Variants in SANBR observed in about 807,000 individuals in gnomAD.
SANBR encodes SANT and BTB domain regulator of class switch recombination.
SANBR carries 77 observed loss-of-function variants against 101.8 expected under a neutral mutation model. The observed-to-expected ratio is 0.76, with a 90% CI of 0.63 to 0.91. The LOEUF is 0.91. Among genes scored for constraint, SANBR ranks in the 40% least tolerant of loss-of-function variants. SANBR has a pLI of 0.00. For synonymous variants in SANBR, 279 were observed against 274.7 expected (o/e 1.02, Z -0.15); for missense variants, 875 against 853.0 (o/e 1.03, Z -0.32).
At chr2:61,115,023 T>C (rs1684007306) in intron 16 of SANBR, among the ~76,000 whole-genome samples, 1 of 152,206 alleles carries the variant, frequency 6.6e-6, no homozygotes. Flanking sequence ...AGTTTTCTTC[T>C]TATGTATTTT....
At chr2:61,098,957 A>G (rs1449703887) in intron 12 of SANBR, among the ~76,000 whole-genome samples, 3 of 152,244 alleles carry the variant, frequency 2.0e-5, no homozygotes, top group Non-Finnish European at 2.9e-5. Context: ...GGTATGATTC[A>G]GCCATAGATG....
At chr2:61,081,327 C>A in intron 6 of SANBR, 125 bp from the exon 7 acceptor site, 3 of 938,860 alleles carry the variant, frequency 3.2e-6, no homozygotes, top group Non-Finnish European at 4.6e-6. Context: ...AACCCATAAG[C>A]TATAATAAGA....
At chr2:61,078,234 T>G (rs544494756) in intron 6 of SANBR, among the ~76,000 whole-genome samples, 1 of 152,334 alleles carries the variant, frequency 6.6e-6, no homozygotes, top group East Asian at 1.9e-4. Flanking sequence ...AATTTTGTTA[T>G]TAACGGAGTC....
At chr2:61,131,108 G>T (rs1026351347) in intron 20 of SANBR, among the ~76,000 whole-genome samples, 1 of 151,926 alleles carries the variant, frequency 6.6e-6, no homozygotes, top group African/African-American at 2.4e-5. Context: ...ACACTTAATG[G>T]TGAAGAACTG....
intron 20 of SANBR, 129 bp downstream of exon 20, chr2:61,118,245 T>G: frequency 1.5e-6 from 1 of 685,062 alleles, no homozygotes; most frequent in Non-Finnish European, 2.4e-6. Flanking sequence ...GTTTGTTTGT[T>G]TGTTTTTTTC....
intron 11 of SANBR, among the ~76,000 whole-genome samples, chr2:61,095,816 C>G (rs1455499830): frequency 2.6e-5 from 4 of 152,138 alleles, no homozygotes; most frequent in Non-Finnish European, 5.9e-5. Flanking sequence ...AGTCAGGGTA[C>G]CTCCTAAAAG....
At position 61,117,463 on chromosome 2, in the gene SANBR, A is replaced by G. The variant is rs376297687; in HGVS notation, c.1866-4A>G. ...TGCTGATTTTTGTTCAATTTTTTCAATAGTATGAGTATGCAGAAGAATAAG... is the reference window on the plus strand; with the variant it reads ...TGCTGATTTTTGTTCAATTTTTTCAGTAGTATGAGTATGCAGAAGAATAAG... On this transcript the variant is annotated splice_polypyrimidine_tract_variant and splice_region_variant and intron_variant, in intron 18 of 21. Transcript: ENST00000402291. 49 of 1,613,622 alleles carry G rather than the reference A, an allele frequency of 3.0e-5. No homozygotes were observed. Among genetic ancestry groups the G allele is most frequent in the Non-Finnish European group, 4.0e-5 (47 of 1,179,762 alleles).
rs368743913 is a variant in SANBR, at chr2:61,083,141, T to A, written c.730-13T>A. 9.4e-6 allele frequency: 15 copies of A among 1,587,372 alleles called. No homozygotes were observed. Among genetic ancestry groups the A allele is most frequent in the Admixed American group, 3.5e-5 (2 of 57,608 alleles). ...GCTACTATTTTCGACATTTATTTTCTATGATTTTTTAGGTTGAACAGTGTA... is the reference window on the plus strand; with the variant it reads ...GCTACTATTTTCGACATTTATTTTCAATGATTTTTTAGGTTGAACAGTGTA... On this transcript the variant is annotated splice_polypyrimidine_tract_variant and intron_variant, in intron 7 of 21. Coordinates refer to ENST00000402291, the MANE Select transcript of SANBR (RefSeq NM_001129993.3).
chr2:61,100,431 T>C (rs1683228480), intron 12 of SANBR, among the ~76,000 whole-genome samples: 1 of 152,020 alleles, frequency 6.6e-6, no homozygotes, highest in African/African-American at 2.4e-5. Context: ...CCAGAGAACG[T>C]TTTAAAAGTC....
intron 11 of SANBR, among the ~76,000 whole-genome samples, chr2:61,096,810 A>G (rs894069041): frequency 6.6e-6 from 1 of 152,180 alleles, no homozygotes; most frequent in African/African-American, 2.4e-5. Flanking sequence ...CAGTGATTCA[A>G]AGTTATGTCA....
downstream of SANBR, among the ~76,000 whole-genome samples, chr2:61,127,246 G>A (rs577196586): frequency 6.6e-6 from 1 of 152,102 alleles, no homozygotes; most frequent in South Asian, 2.1e-4. Context: ...ATTTTTGGGT[G>A]GTATCTCCAA....
chr2:61,124,743 G>A (rs74995325), downstream of SANBR, among the ~76,000 whole-genome samples: 4,323 of 151,706 alleles, frequency 0.028, 68 homozygotes, highest in African/African-American at 0.03. Flanking sequence ...AGGTTATGCT[G>A]GTAAAGATTT....
intron 8 of SANBR, among the ~76,000 whole-genome samples, 186 bp from the exon 9 acceptor site, chr2:61,087,968 CTTTAT>C (rs764667617): frequency 1.3e-5 from 2 of 151,906 alleles, no homozygotes; most frequent in South Asian, 2.1e-4. Context: ...ATCAGAACTG[CTTTAT>C]TTTATTTACT....
chr2:61,135,919 A>G (rs1201029068), intron 21 of SANBR, among the ~76,000 whole-genome samples: 2 of 152,248 alleles, frequency 1.3e-5, no homozygotes, highest in African/African-American at 4.8e-5. Context: ...TTTCAGAGTC[A>G]TGCTTTTGTA....
At chr2:61,077,901 G>A (rs1397810191) in intron 6 of SANBR, among the ~76,000 whole-genome samples, 1 of 152,190 alleles carries the variant, frequency 6.6e-6, no homozygotes, top group Non-Finnish European at 1.5e-5. Context: ...TCTTGAAAAT[G>A]AGCTGCTCAG....
downstream of SANBR, chr2:61,124,327 A>G (rs1684451295): frequency 1.1e-6 from 1 of 896,052 alleles, no homozygotes; most frequent in Non-Finnish European, 1.3e-6. Context: ...CTTCTCAGAA[A>G]AAAAGTCTGG....
chr2:61,085,248 T>TA (rs892442055), intron 8 of SANBR, among the ~76,000 whole-genome samples: 7 of 152,308 alleles, frequency 4.6e-5, no homozygotes, highest in Middle Eastern at 3.4e-3. Flanking sequence ...TTTGCCTCCC[T>TA]AAAAGTGGTG....
intron 19 of SANBR, 51 bp from the exon 20 acceptor site, chr2:61,117,977 G>T: frequency 2.2e-6 from 3 of 1,366,840 alleles, no homozygotes; most frequent in Middle Eastern, 1.9e-4. Context: ...GAAATAAAAA[G>T]TTATATATCA....
At position 61,136,031 on chromosome 2, in the gene SANBR, G is replaced by T. The variant is rs1397114700; in HGVS notation, c.*45-1433G>T. 2.0e-5 allele frequency among the ~76,000 whole-genome samples: 3 copies of T among 152,112 alleles called. No individual in the cohort carries two copies. The East Asian group carries it at 5.8e-4, about 29-fold the overall frequency. On this transcript the variant is annotated intron_variant, in intron 21 of 21. Transcript: ENST00000295031. ...GAGTCTAAAAAAATCAAGGTTGGGCGCATTGCCTCAGGCCTGTAATCCCAG... is the reference window on the plus strand; with the variant it reads ...GAGTCTAAAAAAATCAAGGTTGGGCTCATTGCCTCAGGCCTGTAATCCCAG...
Sources: gnomAD v4.1 joint callset for allele counts (sites outside exome capture counted in the v4.1 genomes callset) on GRCh38, gnomAD v4.1.1 for gene constraint, MANE v1.5 for transcripts, NCBI Gene and HGNC (gene_info 2026-07-23, HGNC 2026-07-21) for gene names.